CPPED1: variants seen among roughly 807,000 people sequenced by gnomAD.
CPPED1 encodes the protein serine/threonine-protein phosphatase CPPED1.
Under a neutral mutation model 28.0 loss-of-function variants are expected in CPPED1, and 28 were observed. The ratio of observed to expected loss-of-function variants is 1.00; its 90% CI spans 0.74 to 1.37. CPPED1 has a LOEUF of 1.37. CPPED1 is among the 40% of genes most tolerant of loss of function. CPPED1 has a pLI of 0.00. For synonymous variants in CPPED1, 198 were observed against 180.2 expected (o/e 1.10, Z -0.79); for missense variants, 504 against 416.5 (o/e 1.21, Z -1.83).
chr16:12,796,390 G>T (rs951026303), intron 1 of CPPED1, among the ~76,000 whole-genome samples: 1 of 151,804 alleles, frequency 6.6e-6, no homozygotes, highest in Non-Finnish European at 1.5e-5. Flanking sequence ...AGCTACTTGG[G>T]AGTCTGAGGC....
intron 2 of CPPED1, among the ~76,000 whole-genome samples, chr16:12,744,847 C>T (rs1046637177): frequency 5.9e-5 from 9 of 151,986 alleles, no homozygotes; most frequent in African/African-American, 1.7e-4. Context: ...AGCCAGGCAT[C>T]GTGGCACATG....
chr16:12,772,829 A>C (rs1425689268), intron 2 of CPPED1, among the ~76,000 whole-genome samples: 1 of 152,228 alleles, frequency 6.6e-6, no homozygotes, highest in Non-Finnish European at 1.5e-5. Context: ...TTGAAATTCC[A>C]AGTTTTTCTA....
rs34318683 is a variant in CPPED1, at chr16:12,781,412, AAGAG to A, written c.71-13_71-10del. On this transcript the variant is annotated splice_polypyrimidine_tract_variant and intron_variant, in intron 1 of 3. Transcript: ENST00000381774. ...CCATTCGCTTTCCTTTTCTTAAAAA[AAGAG>A]AGAGGGAGAAAGAAGGAGAAATCTT... 1 of 1,611,730 alleles carries A rather than the reference AAGAG, an allele frequency of 6.2e-7. No individual in the cohort carries two copies. The highest frequency in any genetic ancestry group is 1.3e-5 in the African/African-American group (1 of 74,990).
At chr16:12,744,184 G>T (rs983285564) in intron 2 of CPPED1, among the ~76,000 whole-genome samples, 2 of 151,992 alleles carry the variant, frequency 1.3e-5, no homozygotes, top group Admixed American at 6.6e-5. Context: ...GCTGAGGCAG[G>T]AGAATGGCGT....
At chr16:12,683,927 G>A (rs1047899714) in intron 3 of CPPED1, among the ~76,000 whole-genome samples, 2 of 152,190 alleles carry the variant, frequency 1.3e-5, no homozygotes, top group Non-Finnish European at 2.9e-5. Context: ...TTTCTGTTTT[G>A]CCTTCCTCAG....
intron 1 of CPPED1, among the ~76,000 whole-genome samples, chr16:12,796,764 A>C (rs1469565546): frequency 6.6e-6 from 1 of 152,166 alleles, no homozygotes; most frequent in African/African-American, 2.4e-5. Flanking sequence ...CCTTAAGAAG[A>C]TGTGTCTGTG....
intron 3 of CPPED1, among the ~76,000 whole-genome samples, chr16:12,678,112 A>C (rs1332860944): frequency 1.3e-5 from 2 of 152,222 alleles, no homozygotes; most frequent in Non-Finnish European, 2.9e-5. Flanking sequence ...AAAGTCTGAA[A>C]GTTTCTGTGC....
At chr16:12,669,567 G>A (rs1164396306) in intron 3 of CPPED1, among the ~76,000 whole-genome samples, 1 of 152,148 alleles carries the variant, frequency 6.6e-6, no homozygotes, top group Non-Finnish European at 1.5e-5. Context: ...GATTAGAGTT[G>A]GAGATATCAG....
intron 2 of CPPED1, among the ~76,000 whole-genome samples, chr16:12,748,495 C>T (rs147619265): frequency 1.0e-3 from 157 of 152,250 alleles, no homozygotes; most frequent in Middle Eastern, 3.4e-3. Context: ...AGTTCCAGGC[C>T]ACGACAATAA....
At chr16:12,796,349 G>A (rs971827301) in intron 1 of CPPED1, among the ~76,000 whole-genome samples, 3 of 151,806 alleles carry the variant, frequency 2.0e-5, no homozygotes, top group African/African-American at 7.3e-5. Flanking sequence ...ACAAAAATTA[G>A]CCAGGTGTGG....
chr16:12,768,323 T>C (rs1290183118), intron 2 of CPPED1, among the ~76,000 whole-genome samples: 1 of 152,272 alleles, frequency 6.6e-6, no homozygotes, highest in Non-Finnish European at 1.5e-5. Flanking sequence ...TTTTCACTTT[T>C]TGATCTAAAC....
At chr16:12,752,915 AAT>A (rs1278285623) in intron 2 of CPPED1, 2 of 149,344 alleles carry the variant, frequency 1.3e-5, no homozygotes, top group Non-Finnish European at 3.0e-5. Flanking sequence ...ATAATATATA[AAT>A]ATGTCAATAT....
chr16:12,789,643 A>G (rs2080584524), intron 1 of CPPED1, among the ~76,000 whole-genome samples: 2 of 152,244 alleles, frequency 1.3e-5, no homozygotes, highest in South Asian at 4.1e-4. Context: ...CTCCCACGTC[A>G]GCCTCTGGAG....
intron 1 of CPPED1, among the ~76,000 whole-genome samples, chr16:12,796,102 A>C (rs950097396): frequency 1.8e-4 from 27 of 150,492 alleles, no homozygotes; most frequent in African/African-American, 6.3e-4. Context: ...AAAGCCACTG[A>C]GTGTCTACTA....
chr16:12,759,908 G>A (rs901877460), intron 2 of CPPED1, among the ~76,000 whole-genome samples: 2 of 152,180 alleles, frequency 1.3e-5, no homozygotes, highest in Non-Finnish European at 2.9e-5. Flanking sequence ...TAATACTGGG[G>A]CAAACTCTCC....
chr16:12,704,513 C>G, intron 3 of CPPED1, 111 bp downstream of exon 3: 1 of 1,168,466 alleles, frequency 8.6e-7, no homozygotes, highest in Non-Finnish European at 1.2e-6. Flanking sequence ...GAACTCCCGG[C>G]CTAGTCCTCT....
At chr16:12,714,677 A>C (rs1276099443) in intron 2 of CPPED1, among the ~76,000 whole-genome samples, 1 of 152,180 alleles carries the variant, frequency 6.6e-6, no homozygotes, top group East Asian at 1.9e-4. Context: ...AGAGTTCTTT[A>C]CATATTATGA....
At chr16:12,689,216 GC>G (rs1388523105) in intron 3 of CPPED1, among the ~76,000 whole-genome samples, 1 of 118,616 alleles carries the variant, frequency 8.4e-6, no homozygotes, top group African/African-American at 4.1e-5. Context: ...TGAAAAGAGG[GC>G]TTTTTTTTTT....
chr16:12,774,256 G>A (rs559940474), intron 2 of CPPED1, among the ~76,000 whole-genome samples: 52 of 152,118 alleles, frequency 3.4e-4, no homozygotes, highest in Admixed American at 1.0e-3. Flanking sequence ...AATCACTTGA[G>A]GTCAGGAGTT....
Sources: gnomAD v4.1 joint callset for allele counts (sites outside exome capture counted in the v4.1 genomes callset) on GRCh38, gnomAD v4.1.1 for gene constraint, MANE v1.5 for transcripts, NCBI Gene and HGNC (gene_info 2026-07-23, HGNC 2026-07-21) for gene names.